EPHB2: variants seen among roughly 807,000 people sequenced by gnomAD.
EPHB2 encodes the protein ephrin type-B receptor 2.
A neutral mutation model predicts 96.4 loss-of-function variants in EPHB2; 18 were observed. The observed-to-expected ratio is 0.19, with a 90% CI of 0.13 to 0.28. The LOEUF (loss-of-function observed/expected upper bound fraction) is 0.28. EPHB2 is among the 10% of genes least tolerant of loss of function. The pLI, the probability that EPHB2 is intolerant of heterozygous loss-of-function variation, is 1.00. For missense variants in EPHB2, 989 were observed against 1,355.4 expected (o/e 0.73, Z 4.25); for synonymous variants, 506 against 534.1 (o/e 0.95, Z 0.72).
intron 5 of EPHB2, among the ~76,000 whole-genome samples, chr1:22,881,325 G>T (rs1448440250): frequency 6.6e-6 from 1 of 152,038 alleles, no homozygotes; most frequent in Non-Finnish European, 1.5e-5. Context: ...TTGAACCCAG[G>T]AGGCAGAGGT....
intron 6 of EPHB2, among the ~76,000 whole-genome samples, chr1:22,883,167 G>A (rs771077728): frequency 1.3e-5 from 2 of 152,228 alleles, no homozygotes; most frequent in Non-Finnish European, 2.9e-5. Flanking sequence ...TCGAGTGTGG[G>A]TGAGACCCCT....
intron 5 of EPHB2, among the ~76,000 whole-genome samples, chr1:22,871,249 C>T (rs1308736980): frequency 1.3e-5 from 2 of 152,206 alleles, no homozygotes; most frequent in Non-Finnish European, 2.9e-5. Flanking sequence ...CCAATGTTGA[C>T]CAGACCCATG....
chr1:22,749,971 T>A (rs1390079205), intron 1 of EPHB2, among the ~76,000 whole-genome samples: 1 of 152,186 alleles, frequency 6.6e-6, no homozygotes, highest in African/African-American at 2.4e-5. Flanking sequence ...ACAACTGTCA[T>A]TCATTGAGTG....
chr1:22,775,219 A>C (rs1248712129), intron 1 of EPHB2: 5 of 779,704 alleles, frequency 6.4e-6, no homozygotes, highest in Non-Finnish European at 1.2e-5. Context: ...TTCCAGTCCT[A>C]GCCCTGCCTG....
intron 13 of EPHB2, among the ~76,000 whole-genome samples, chr1:22,910,063 A>C (rs1640043908): frequency 6.6e-6 from 1 of 152,156 alleles, no homozygotes; most frequent in African/African-American, 2.4e-5. Context: ...GAGGGGGCTC[A>C]CAGGATGGGA....
chr1:22,910,852 G>A (rs1640075378), intron 14 of EPHB2, among the ~76,000 whole-genome samples: 1 of 152,176 alleles, frequency 6.6e-6, no homozygotes, highest in Admixed American at 6.5e-5. Context: ...AATTACCAAA[G>A]GAAGGCCGGG....
chr1:22,849,488 A>G (rs1645592458), intron 3 of EPHB2, among the ~76,000 whole-genome samples: 1 of 152,190 alleles, frequency 6.6e-6, no homozygotes, highest in Admixed American at 6.5e-5. Flanking sequence ...CGAGCAGTCT[A>G]TGTGGAACAA....
chr1:22,804,174 T>C (rs979422217), intron 3 of EPHB2, among the ~76,000 whole-genome samples: 8 of 152,170 alleles, frequency 5.3e-5, no homozygotes, highest in Non-Finnish European at 8.8e-5. Flanking sequence ...TTTCCCACCA[T>C]CCCAGGCTGC....
At chr1:22,783,320 AG>A (rs1644561066) in intron 2 of EPHB2, among the ~76,000 whole-genome samples, 1 of 152,152 alleles carries the variant, frequency 6.6e-6, no homozygotes, top group South Asian at 2.1e-4. Context: ...TGGATAGGAG[AG>A]GGGACTCTGC....
chr1:22,844,976 A>G (rs1046074931), intron 3 of EPHB2, among the ~76,000 whole-genome samples: 1 of 152,252 alleles, frequency 6.6e-6, no homozygotes, highest in Non-Finnish European at 1.5e-5. Flanking sequence ...TGGCCAGGCC[A>G]CTTGAATGCT....
intron 5 of EPHB2, among the ~76,000 whole-genome samples, chr1:22,872,045 C>A (rs544261522): frequency 1.3e-5 from 2 of 151,832 alleles, no homozygotes; most frequent in African/African-American, 4.8e-5. Context: ...TAGCATGGAT[C>A]TCATCAAGCT....
At chr1:22,749,974 A>G (rs1237728004) in intron 1 of EPHB2, among the ~76,000 whole-genome samples, 4 of 152,218 alleles carry the variant, frequency 2.6e-5, no homozygotes, top group Non-Finnish European at 1.5e-5. Context: ...ACTGTCATTC[A>G]TTGAGTGCCA....
At chr1:22,792,260 A>G (rs972584917) in intron 3 of EPHB2, among the ~76,000 whole-genome samples, 1 of 152,022 alleles carries the variant, frequency 6.6e-6, no homozygotes, top group Non-Finnish European at 1.5e-5. Context: ...AGCCTGTGCT[A>G]TGCTGACTGG....
rs963220379 is a variant in EPHB2 at position 22,914,072 on chromosome 1, C to T, written c.*502C>T. The T allele has an allele frequency of 1.0e-4, 67 of 646,480 alleles. No individual in the cohort carries two copies. In the East Asian group the frequency reaches 1.6e-3, roughly 16 times the overall value. 40.0% of individuals were successfully genotyped at this position (646,480 alleles called of 1,614,324 possible). ...ACTCAACAACCAAGCGCCTGGAGGA[C>T]GGGACAGATGGACAGACAGCCACCC... On this transcript the variant is annotated 3_prime_UTR_variant, in exon 16 of 16. Transcript: ENST00000374630.
chr1:22,858,170 A>T lies in EPHB2; in HGVS notation c.812-4867A>T, dbSNP rs769165642. Reference sequence around the variant, plus strand: ...TCCGGGCAGAGGGAACAGCTTGGCCAAAGGCCTGGAGGTGAGAGCGCATTC... The same window carrying T: ...TCCGGGCAGAGGGAACAGCTTGGCCTAAGGCCTGGAGGTGAGAGCGCATTC... On this transcript the variant is annotated intron_variant, in intron 3 of 15. Transcript: ENST00000374630. This position sits in a 1 kb window ranked among gnomAD's most constrained non-coding sequence, Gnocchi z 7.7. Among the ~76,000 whole-genome samples the T allele has an allele frequency of 3.3e-5, 5 of 152,132 alleles. No individual in the cohort carries two copies. The highest frequency in any genetic ancestry group is 5.9e-5 in the Non-Finnish European group (4 of 68,002).
intron 1 of EPHB2, among the ~76,000 whole-genome samples, chr1:22,769,558 C>T (rs1328335223): frequency 6.6e-6 from 1 of 152,144 alleles, no homozygotes; most frequent in Non-Finnish European, 1.5e-5. Context: ...CAGACATGCA[C>T]CACCACACCC....
chr1:22,729,390 T>C (rs1019642651), intron 1 of EPHB2, among the ~76,000 whole-genome samples: 4 of 152,222 alleles, frequency 2.6e-5, no homozygotes, highest in African/African-American at 9.6e-5. Flanking sequence ...TGACCCAGAA[T>C]TGGATCATGA....
At chr1:22,776,591 T>C (rs964596344) in intron 1 of EPHB2, among the ~76,000 whole-genome samples, 1 of 152,234 alleles carries the variant, frequency 6.6e-6, no homozygotes, top group African/African-American at 2.4e-5. Context: ...TTCCGTACTT[T>C]GCAGACAAAC....
chr1:22,898,312 C>T (rs531275646), intron 9 of EPHB2, among the ~76,000 whole-genome samples: 1 of 152,120 alleles, frequency 6.6e-6, no homozygotes, highest in South Asian at 2.1e-4. Flanking sequence ...GGGTTGGCCT[C>T]ACTGACAGGG....
Sources: allele counts gnomAD v4.1 joint callset (sites outside exome capture counted in the v4.1 genomes callset), GRCh38; gene constraint gnomAD v4.1.1; non-coding constraint Gnocchi (gnomAD v3.1); transcripts MANE v1.5; gene names NCBI Gene and HGNC (gene_info 2026-07-23, HGNC 2026-07-21).